The following PHF5A variants were observed in gnomAD, a reference collection of about 807,000 sequenced individuals.
The protein encoded by PHF5A is PHD finger-like domain-containing protein 5A.
For missense variants in PHF5A, 24 were observed against 140.6 expected, an observed-to-expected ratio of 0.17 and a Z score of 4.19; for synonymous variants, 52 against 46.0, an observed-to-expected ratio of 1.13 and a Z score of -0.52.
intron 2 of PHF5A, 107 bp downstream of exon 2, chr22:41,468,017 T>C: frequency 8.3e-7 from 1 of 1,210,452 alleles, no homozygotes; most frequent in Non-Finnish European, 1.2e-6. Flanking sequence ...AGTGTTCACA[T>C]ACTTCCAGGC....
At chr22:41,461,817 C>G (rs1303931116) in intron 3 of PHF5A, among the ~76,000 whole-genome samples, 1 of 152,096 alleles carries the variant, frequency 6.6e-6, no homozygotes, top group South Asian at 2.1e-4. Context: ...CACCCGCGAC[C>G]ATGCCCAGCT....
chr22:41,468,269 T>G (rs2037888952), intron 1 of PHF5A, 122 bp from the exon 2 acceptor site: 1 of 865,750 alleles, frequency 1.2e-6, no homozygotes, highest in Non-Finnish European at 1.8e-6. Context: ...GACCTGCGGA[T>G]AGCCATTTTA....
At chr22:41,463,808 C>T (rs1373359554) in intron 3 of PHF5A, among the ~76,000 whole-genome samples, 1 of 149,156 alleles carries the variant, frequency 6.7e-6, no homozygotes, top group African/African-American at 2.5e-5. Context: ...GCAGGAGAAT[C>T]GCTTGAACCT....
chr22:41,467,798 T>C (rs555789304), intron 2 of PHF5A, among the ~76,000 whole-genome samples, 184 bp from the exon 3 acceptor site: 39 of 152,262 alleles, frequency 2.6e-4, no homozygotes, highest in Non-Finnish European at 5.0e-4. Context: ...CCTCAACACA[T>C]ACAAAAGTTT....
chr22:41,468,532 G>A, intron 1 of PHF5A, 70 bp downstream of exon 1: 1 of 1,543,254 alleles, frequency 6.5e-7, no homozygotes. Context: ...AGGAAGAGAC[G>A]GGAACCCCCG....
At chr22:41,468,489 C>A in intron 1 of PHF5A, 113 bp downstream of exon 1, 1 of 1,236,542 alleles carries the variant, frequency 8.1e-7, no homozygotes. Context: ...GCCTGAGAGG[C>A]GGGAAACGTG....
intron 2 of PHF5A, 126 bp downstream of exon 2, chr22:41,467,998 G>T: frequency 2.0e-6 from 2 of 976,942 alleles, no homozygotes; most frequent in Non-Finnish European, 1.6e-6. Context: ...TGGCTAAAGT[G>T]CAGCATTCAG....
At chr22:41,466,366 T>A (rs2037866297) in intron 3 of PHF5A, among the ~76,000 whole-genome samples, 2 of 152,116 alleles carry the variant, frequency 1.3e-5, no homozygotes. Context: ...ACAAAAAAAA[T>A]CACGATGCAG....
chr22:41,468,607 C>T lies in PHF5A; in HGVS notation c.47G>A (p.Gly16Asp). The T allele has an allele frequency of 6.2e-7, 1 of 1,614,150 alleles. No individual in the cohort carries two copies. Among genetic ancestry groups the T allele is most frequent in the Non-Finnish European group, 8.5e-7 (1 of 1,180,032 alleles). The stretch of plus-strand genomic sequence containing the variant: ...GGGGTAGGGCGCAGTCTCACCAACA[C>T]CAGCCTGCTTGCGGCAAAAGATCAA... Reference protein sequence around the residue: ...PDLIFCRKQAGVAIGRLCEKC... With the variant: ...PDLIFCRKQADVAIGRLCEKC... Residue 16 changes from glycine (G) to aspartate (D), a missense_variant, in exon 1 of 4, where the codon GGT (glycine) becomes GAT (aspartate). Physicochemically the swap from Gly to Asp is moderately conservative, Grantham distance 94. Transcript: ENST00000216252.
At chr22:41,461,334 A>G (rs2037825760) in intron 3 of PHF5A, among the ~76,000 whole-genome samples, 1 of 152,112 alleles carries the variant, frequency 6.6e-6, no homozygotes, top group Non-Finnish European at 1.5e-5. Flanking sequence ...ATTCATGTAG[A>G]ATGCTGGATT....
chr22:41,467,052 G>A (rs558596710), intron 3 of PHF5A, among the ~76,000 whole-genome samples: 14 of 143,720 alleles, frequency 9.7e-5, no homozygotes, highest in Admixed American at 4.8e-4. Flanking sequence ...TTTTTTTTGA[G>A]ATGGGATCTT....
rs543265557 is a variant in PHF5A at position 41,466,379 on chromosome 22, C to T, written c.243+1069G>A. Among the ~76,000 whole-genome samples, 85 of 152,292 alleles carry T rather than the reference C, an allele frequency of 5.6e-4. 1 individual carries two copies. The highest frequency in any genetic ancestry group is 5.0e-3 in the South Asian group (24 of 4,824). ...GGACAAAAAAAATCACGATGCAGGT[C>T]CACAATCATTTCTGCAATATTAAAC... On this transcript the variant is annotated intron_variant, in intron 3 of 3. Transcript: ENST00000216252.
intron 2 of PHF5A, chr22:41,467,885 T>G: frequency 1.6e-6 from 1 of 607,870 alleles, no homozygotes; most frequent in Non-Finnish European, 2.9e-6. Context: ...CAAAGTGCTG[T>G]GTGTTGGGGA....
At chr22:41,467,060 C>A (rs1362189401) in intron 3 of PHF5A, among the ~76,000 whole-genome samples, 2 of 146,174 alleles carry the variant, frequency 1.4e-5, no homozygotes, top group African/African-American at 5.1e-5. Context: ...GAGATGGGAT[C>A]TTGCTCTGTG....
rs2037813421 is a variant in PHF5A at position 41,459,913 on chromosome 22, C to CCCA, written c.*484_*485insTGG. ...GGGCAGAGCCCTGCCCCCCCACCCC[C>CCCA]CCCCCAAAAAAAACGGGAAATGCCT... On this transcript the variant is annotated 3_prime_UTR_variant, in exon 4 of 4. Transcript: ENST00000216252. 9.3e-6 allele frequency: 1 copy of CCCA among 107,648 alleles called. No homozygotes were observed. Among genetic ancestry groups the CCCA allele is most frequent in the East Asian group, 3.6e-4 (1 of 2,778 alleles). The allele number at this position is 107,648 out of a possible 1,614,324, so 6.7% of individuals were successfully genotyped here. A position where few individuals can be genotyped will look rare whatever the true frequency, so the allele number is the denominator to read the frequency against.
rs576140609 is a variant in PHF5A, at chr22:41,468,547, C to T, written c.52+55G>A. The T allele has an allele frequency of 1.0e-4, 161 of 1,594,568 alleles. No individual in the cohort carries two copies. In the African/African-American group the frequency reaches 1.8e-3, roughly 18 times the overall value. On this transcript the variant is annotated intron_variant, in intron 1 of 3. Coordinates refer to ENST00000216252, the MANE Select transcript of PHF5A (RefSeq NM_032758.4). ...AGGAAGAGACGGGAACCCCCGACCC[C>T]CCAGCTCCTAATACCACCCCTGCCC...
At chr22:41,468,195 A>G in intron 1 of PHF5A, 48 bp from the exon 2 acceptor site, 1 of 1,603,464 alleles carries the variant, frequency 6.2e-7, no homozygotes, top group Non-Finnish European at 8.5e-7. Flanking sequence ...AAAGGTTTTG[A>G]GAAAGAGGAG....
intron 3 of PHF5A, among the ~76,000 whole-genome samples, chr22:41,463,379 C>T (rs1356127191): frequency 1.3e-5 from 2 of 151,646 alleles, no homozygotes; most frequent in Non-Finnish European, 2.9e-5. Context: ...TCACCTGAGG[C>T]CAGGAGCTTG....
chr22:41,468,090 A>T lies in PHF5A; in HGVS notation c.76+34T>A, dbSNP rs993039626. The T allele has an allele frequency of 2.5e-6, 4 of 1,612,248 alleles. No homozygotes were observed. The African/African-American group carries it at 5.3e-5, about 22-fold the overall frequency. On this transcript the variant is annotated intron_variant, in intron 2 of 3. Coordinates refer to ENST00000216252, the MANE Select transcript of PHF5A (RefSeq NM_032758.4). ...GTTCCACAGAAAACTGGGAGTGGGA[A>T]GGGTGGGTTGTTGGGACGGTGTGTT...
Sources: gnomAD v4.1 joint callset for allele counts (sites outside exome capture counted in the v4.1 genomes callset) on GRCh38, gnomAD v4.1.1 for gene constraint, MANE v1.5 for transcripts, NCBI Gene and HGNC (gene_info 2026-07-23, HGNC 2026-07-21) for gene names.